UNC5D: variants seen among roughly 807,000 people sequenced by gnomAD.
UNC5D encodes netrin receptor UNC5D.
A neutral mutation model predicts 105.4 loss-of-function variants in UNC5D; 39 were observed. That is an observed-to-expected ratio of 0.37 (90% CI 0.29 to 0.48). The LOEUF (loss-of-function observed/expected upper bound fraction) is 0.48, where lower values mean the gene tolerates loss of function less well. Among genes scored for constraint, UNC5D ranks in the 20% least tolerant of loss-of-function variants. The pLI, the probability that UNC5D is intolerant of heterozygous loss-of-function variation, is 0.98. For synonymous variants in UNC5D, 452 were observed against 450.4 expected, an observed-to-expected ratio of 1.00 and a Z score of -0.04; for missense variants, 991 against 1,202.4, an observed-to-expected ratio of 0.82 and a Z score of 2.60.
At chr8:35,317,426 T>A (rs898306103) in intron 1 of UNC5D, among the ~76,000 whole-genome samples, 1 of 152,138 alleles carries the variant, frequency 6.6e-6, no homozygotes, top group African/African-American at 2.4e-5. Context: ...TACGAAAACA[T>A]CTTAGTAAGT....
chr8:35,461,582 G>C (rs1808899613), intron 1 of UNC5D, among the ~76,000 whole-genome samples: 1 of 152,098 alleles, frequency 6.6e-6, no homozygotes, highest in Non-Finnish European at 1.5e-5. Flanking sequence ...CCCACCCTTT[G>C]AATATTGTTC....
intron 1 of UNC5D, among the ~76,000 whole-genome samples, chr8:35,298,193 T>C (rs1200109879): frequency 6.6e-6 from 1 of 152,180 alleles, no homozygotes; most frequent in Admixed American, 6.5e-5. Context: ...TCCAGGACTC[T>C]GTTACTCACA....
chr8:35,573,175 G>A (rs1337458348), intron 3 of UNC5D, among the ~76,000 whole-genome samples: 1 of 152,180 alleles, frequency 6.6e-6, no homozygotes, highest in African/African-American at 2.4e-5. Context: ...CATACTTTTA[G>A]TAACAAGACC....
chr8:35,306,173 T>G (rs867450907), intron 1 of UNC5D, among the ~76,000 whole-genome samples: 5 of 151,734 alleles, frequency 3.3e-5, no homozygotes, highest in Non-Finnish European at 7.4e-5. Flanking sequence ...TGATTTGAGG[T>G]ATATGAAAAA....
chr8:35,689,234 T>G (rs951425029), intron 7 of UNC5D, among the ~76,000 whole-genome samples: 1 of 152,256 alleles, frequency 6.6e-6, no homozygotes, highest in Admixed American at 6.5e-5. Flanking sequence ...AATGGTTATC[T>G]CTTAATGTAA....
chr8:35,577,663 A>G (rs1469541926), intron 3 of UNC5D, among the ~76,000 whole-genome samples: 2 of 152,226 alleles, frequency 1.3e-5, no homozygotes, highest in African/African-American at 4.8e-5. Flanking sequence ...GATTCACACA[A>G]ACATCAGCAT....
At chr8:35,318,654 A>G (rs1337655101) in intron 1 of UNC5D, among the ~76,000 whole-genome samples, 2 of 152,286 alleles carry the variant, frequency 1.3e-5, no homozygotes, top group Middle Eastern at 3.4e-3. Flanking sequence ...TTTTCTGCTG[A>G]GAACTATAGA....
chr8:35,285,965 A>G (rs1222148405), intron 1 of UNC5D, among the ~76,000 whole-genome samples: 1 of 129,442 alleles, frequency 7.7e-6, no homozygotes, highest in Admixed American at 8.1e-5. Context: ...TAGAAACGTA[A>G]GTCACAGTTT....
At chr8:35,480,857 G>A (rs1257036571) in intron 1 of UNC5D, among the ~76,000 whole-genome samples, 1 of 152,178 alleles carries the variant, frequency 6.6e-6, no homozygotes, top group Non-Finnish European at 1.5e-5. Flanking sequence ...TCCCTTCACT[G>A]AGATGAGGAA....
intron 4 of UNC5D, among the ~76,000 whole-genome samples, chr8:35,607,376 G>T (rs967705417): frequency 2.6e-5 from 4 of 152,084 alleles, no homozygotes; most frequent in African/African-American, 9.7e-5. Flanking sequence ...ACAGTTCTGG[G>T]GTAGAAGTCT....
At chr8:35,454,968 C>A (rs1444885114) in intron 1 of UNC5D, among the ~76,000 whole-genome samples, 1 of 152,042 alleles carries the variant, frequency 6.6e-6, no homozygotes, top group African/African-American at 2.4e-5. Context: ...GGATTTTATT[C>A]TTTTAATCAA....
intron 1 of UNC5D, among the ~76,000 whole-genome samples, chr8:35,502,857 G>A (rs1188490199): frequency 2.0e-5 from 3 of 151,956 alleles, no homozygotes; most frequent in South Asian, 2.1e-4. Flanking sequence ...GAGCCACCGC[G>A]CCCAGCCTAT....
At chr8:35,358,864 G>A (rs16883863) in intron 1 of UNC5D, among the ~76,000 whole-genome samples, 3,511 of 152,176 alleles carry the variant, frequency 0.023, 140 homozygotes, top group African/African-American at 0.081. Flanking sequence ...TGGTATTTTT[G>A]TGGAGCCAAT....
At chr8:35,756,728 G>T (rs1198813301) in intron 13 of UNC5D, among the ~76,000 whole-genome samples, 2 of 152,078 alleles carry the variant, frequency 1.3e-5, no homozygotes, top group Non-Finnish European at 1.5e-5. Context: ...ATGTTTTCAT[G>T]TGTAAATAAG....
chr8:35,328,543 A>G (rs1026394486), intron 1 of UNC5D, among the ~76,000 whole-genome samples: 1 of 152,152 alleles, frequency 6.6e-6, no homozygotes, highest in Non-Finnish European at 1.5e-5. Context: ...TTCTAACTGT[A>G]ATAATTATCC....
chr8:35,694,529 C>T (rs1005206727), intron 7 of UNC5D, among the ~76,000 whole-genome samples: 1 of 152,076 alleles, frequency 6.6e-6, no homozygotes, highest in Non-Finnish European at 1.5e-5. Context: ...AGCAGGAACA[C>T]CTTGAACAAG....
intron 1 of UNC5D, among the ~76,000 whole-genome samples, chr8:35,488,798 G>T (rs1158919065): frequency 6.6e-6 from 1 of 152,140 alleles, no homozygotes; most frequent in East Asian, 1.9e-4. Context: ...GATTGGCGAT[G>T]GGACAAGGAT....
At chr8:35,420,421 T>A (rs966092062) in intron 1 of UNC5D, among the ~76,000 whole-genome samples, 1 of 152,212 alleles carries the variant, frequency 6.6e-6, no homozygotes, top group Admixed American at 6.5e-5. Flanking sequence ...CACTAGTGCC[T>A]TCCTGGTGGT....
At chr8:35,790,043 G>A (rs1802964232) in intron 16 of UNC5D, among the ~76,000 whole-genome samples, 1 of 152,072 alleles carries the variant, frequency 6.6e-6, no homozygotes, top group Non-Finnish European at 1.5e-5. Context: ...AAGCCCAGGA[G>A]GTCAAGGCTG....
Sources: allele counts gnomAD v4.1 joint callset (sites outside exome capture counted in the v4.1 genomes callset), GRCh38; gene constraint gnomAD v4.1.1; transcripts MANE v1.5; gene names NCBI Gene and HGNC (gene_info 2026-07-23, HGNC 2026-07-21).